The following VIPR2 variants were observed in gnomAD, a reference collection of about 807,000 sequenced individuals.
The protein encoded by VIPR2 is vasoactive intestinal polypeptide receptor 2.
Under a neutral mutation model 58.0 loss-of-function variants are expected in VIPR2, and 48 were observed. The ratio of observed to expected loss-of-function variants is 0.83; its 90% CI spans 0.66 to 1.05. The LOEUF (loss-of-function observed/expected upper bound fraction) is 1.05. VIPR2 is among the 50% of genes least tolerant of loss of function. The probability of loss-of-function intolerance (pLI) is 0.00; values close to 1 mark genes in which losing one functional copy is unlikely to be tolerated. For missense variants in VIPR2, 534 were observed against 558.0 expected (o/e 0.96, Z 0.43); for synonymous variants, 243 against 235.2 (o/e 1.03, Z -0.30).
At chr7:159,119,197 C>T (rs1010453956) in intron 2 of VIPR2, among the ~76,000 whole-genome samples, 2 of 152,272 alleles carry the variant, frequency 1.3e-5, no homozygotes, top group African/African-American at 2.4e-5. Flanking sequence ...CGGGTGGACA[C>T]AGGAGATAGG....
At chr7:159,075,627 C>G (rs1475365037) in intron 4 of VIPR2, among the ~76,000 whole-genome samples, 1 of 151,192 alleles carries the variant, frequency 6.6e-6, no homozygotes, top group African/African-American at 2.4e-5. Flanking sequence ...CCTGCCACAT[C>G]AGGGAGTAGC....
Position 159,034,303 on chromosome 7 carries a change from A to T in VIPR2, c.881T>A (p.Val294Asp). 1 of 1,613,590 alleles carries T rather than the reference A, an allele frequency of 6.2e-7. No individual in the cohort carries two copies. The highest frequency in any genetic ancestry group is 1.6e-4 in the Middle Eastern group (1 of 6,062). The change falls in exon 10 of 13, where the codon GTC becomes GAC. Residue 294 changes from valine (V) to aspartate (D), a missense_variant and splice_region_variant. Val to Asp is a radical substitution (Grantham distance 152, BLOSUM62 -3). This residue lies in a region of VIPR2 where 306 missense variants were observed against 285.8 expected (regional missense o/e 1.07). Coordinates refer to ENST00000262178, the MANE Select transcript of VIPR2 (RefSeq NM_003382.5). ...AATACTAATGAAAAGGACAAAATTG[A>T]CCTGCACAAGAGATAATAAGTTTGT... ...IRIPILISII[V>D]NFVLFISIIR...
chr7:159,034,974 C>T (rs930228693), intron 8 of VIPR2, among the ~76,000 whole-genome samples: 1 of 152,160 alleles, frequency 6.6e-6, no homozygotes, highest in African/African-American at 2.4e-5. Context: ...GAGAAAAGAA[C>T]CTTCCTCCTG....
chr7:159,133,665 G>C (rs745483054), intron 2 of VIPR2, among the ~76,000 whole-genome samples: 1 of 152,140 alleles, frequency 6.6e-6, no homozygotes, highest in Non-Finnish European at 1.5e-5. Context: ...GGTTATGTAC[G>C]TCTATATGTA....
At chr7:159,089,670 C>T (rs147613119) in intron 4 of VIPR2, among the ~76,000 whole-genome samples, 5 of 152,304 alleles carry the variant, frequency 3.3e-5, no homozygotes, top group African/African-American at 1.2e-4. Context: ...TCTTTACATG[C>T]TTTACAACTC....
chr7:159,054,587 G>A (rs1855195381), intron 5 of VIPR2, among the ~76,000 whole-genome samples: 1 of 152,142 alleles, frequency 6.6e-6, no homozygotes. Flanking sequence ...GGAAATCAGG[G>A]AAATGTAAAT....
chr7:159,114,422 A>G (rs926822629), intron 2 of VIPR2, among the ~76,000 whole-genome samples: 1 of 152,178 alleles, frequency 6.6e-6, no homozygotes, highest in African/African-American at 2.4e-5. Context: ...AAGTGCTCGG[A>G]TAAGGCAGTC....
At chr7:159,059,961 A>C (rs1855542998) in intron 4 of VIPR2, among the ~76,000 whole-genome samples, 1 of 148,848 alleles carries the variant, frequency 6.7e-6, no homozygotes, top group South Asian at 2.1e-4. Context: ...TTCACCTAAC[A>C]GTCACCTTCA....
intron 2 of VIPR2, among the ~76,000 whole-genome samples, chr7:159,137,791 C>A (rs942025562): frequency 3.3e-5 from 5 of 151,828 alleles, no homozygotes; most frequent in African/African-American, 9.7e-5. Context: ...CAAAAAGATC[C>A]AAAAGAAAAA....
chr7:159,142,621 A>G (rs1797518997), intron 1 of VIPR2, 76 bp from the exon 2 acceptor site: 1 of 1,086,292 alleles, frequency 9.2e-7, no homozygotes, highest in African/African-American at 1.6e-5. Context: ...ATTCTACAAA[A>G]ACAACCCCAA....
rs1796732522 is a variant in VIPR2, at chr7:159,128,353, T to C, written c.151+14093A>G. On this transcript the variant is annotated intron_variant, in intron 2 of 12. Coordinates refer to ENST00000262178, the MANE Select transcript of VIPR2 (RefSeq NM_003382.5). This position sits in a 1 kb window ranked among gnomAD's most constrained non-coding sequence, Gnocchi z 4.1. ...TGGAGCAGTTCTGAGCCTGCAGTGGTCTCCTTGTGCCCCCAGGTGCCTGCT... is the reference window on the plus strand; with the variant it reads ...TGGAGCAGTTCTGAGCCTGCAGTGGCCTCCTTGTGCCCCCAGGTGCCTGCT... Among the ~76,000 whole-genome samples, 1 of 152,124 alleles carries C rather than the reference T, an allele frequency of 6.6e-6. No homozygotes were observed. Among genetic ancestry groups the C allele is most frequent in the African/African-American group, 2.4e-5 (1 of 41,420 alleles).
chr7:159,106,381 C>T (rs1563333349), intron 3 of VIPR2, among the ~76,000 whole-genome samples: 1 of 152,018 alleles, frequency 6.6e-6, no homozygotes, highest in East Asian at 1.9e-4. Flanking sequence ...TGGCAACCTG[C>T]AGAGAGATCA....
intron 2 of VIPR2, among the ~76,000 whole-genome samples, chr7:159,121,196 C>G (rs569937461): frequency 6.6e-5 from 10 of 151,908 alleles, no homozygotes; most frequent in Admixed American, 5.2e-4. Flanking sequence ...CCCTCCCTCC[C>G]TCCATGCTGC....
chr7:159,144,454 T>C (rs1797608379), intron 1 of VIPR2: 1 of 1,542,856 alleles, frequency 6.5e-7, no homozygotes, highest in Non-Finnish European at 8.7e-7. Context: ...AACGATCCCG[T>C]TTCCAGCAAA....
intron 2 of VIPR2, among the ~76,000 whole-genome samples, chr7:159,140,088 T>G (rs1797404069): frequency 6.6e-6 from 1 of 151,006 alleles, no homozygotes; most frequent in Admixed American, 6.6e-5. Context: ...TTTTTGTTTT[T>G]TTTTTAGATT....
chr7:159,069,543 G>A (rs1055951741), intron 4 of VIPR2, among the ~76,000 whole-genome samples: 3 of 152,092 alleles, frequency 2.0e-5, no homozygotes, highest in Admixed American at 2.0e-4. Context: ...CTGAGGATTG[G>A]AGCCTCACAA....
At chr7:159,086,895 G>A (rs997190501) in intron 4 of VIPR2, among the ~76,000 whole-genome samples, 2 of 152,236 alleles carry the variant, frequency 1.3e-5, no homozygotes, top group Non-Finnish European at 2.9e-5. Flanking sequence ...GACACCAGCA[G>A]GTTGTCTTCA....
At chr7:159,062,148 C>T (rs905168436) in intron 4 of VIPR2, among the ~76,000 whole-genome samples, 6 of 152,138 alleles carry the variant, frequency 3.9e-5, no homozygotes, top group Non-Finnish European at 8.8e-5. Context: ...TGATGGGGGG[C>T]CCGCGGGCCT....
intron 4 of VIPR2, among the ~76,000 whole-genome samples, chr7:159,066,075 A>T (rs1313356007): frequency 6.6e-6 from 1 of 151,456 alleles, no homozygotes; most frequent in Non-Finnish European, 1.5e-5. Flanking sequence ...CGTCCGCGGG[A>T]TTCCAGGATG....
Sources: allele counts gnomAD v4.1 joint callset (sites outside exome capture counted in the v4.1 genomes callset), GRCh38; gene constraint gnomAD v4.1.1; regional missense constraint gnomAD v4.1.1; non-coding constraint Gnocchi (gnomAD v3.1); transcripts MANE v1.5; gene names NCBI Gene and HGNC (gene_info 2026-07-23, HGNC 2026-07-21).